KLHL32: variants seen among roughly 807,000 people sequenced by gnomAD.
The protein encoded by KLHL32 is kelch-like protein 32.
A neutral mutation model predicts 64.8 loss-of-function variants in KLHL32; 35 were observed. The observed-to-expected ratio is 0.54, with a 90% CI of 0.41 to 0.72. The LOEUF is 0.72. Among genes scored for constraint, KLHL32 ranks in the 30% least tolerant of loss-of-function variants. The pLI is 0.00. For synonymous variants in KLHL32, 259 were observed against 281.0 expected, an observed-to-expected ratio of 0.92 and a Z score of 0.78; for missense variants, 589 against 768.5, an observed-to-expected ratio of 0.77 and a Z score of 2.76.
chr6:96,973,730 CTT>C (rs558193523), intron 2 of KLHL32, among the ~76,000 whole-genome samples: 3 of 118,236 alleles, frequency 2.5e-5, no homozygotes, highest in Non-Finnish European at 3.5e-5. Flanking sequence ...TACAGATTGC[CTT>C]TTTTTTTTTA....
intron 1 of KLHL32, among the ~76,000 whole-genome samples, chr6:96,951,414 G>A (rs947328192): frequency 1.3e-5 from 2 of 152,166 alleles, no homozygotes; most frequent in African/African-American, 2.4e-5. Context: ...TCAGAGTCAG[G>A]TGAGCAGTAT....
intron 5 of KLHL32, among the ~76,000 whole-genome samples, chr6:97,080,895 T>G (rs143142111): frequency 6.6e-6 from 1 of 152,266 alleles, no homozygotes; most frequent in East Asian, 1.9e-4. Flanking sequence ...ATGTGCTGTA[T>G]AGGATATTCA....
chr6:96,967,123 C>T, intron 2 of KLHL32, 40 bp downstream of exon 2: 1 of 1,595,972 alleles, frequency 6.3e-7, no homozygotes, highest in African/African-American at 1.3e-5. Context: ...CCGTAGTGAG[C>T]CCTGAAATAA....
chr6:96,932,203 TTA>T lies in KLHL32; in HGVS notation c.-66+7179_-66+7180del, dbSNP rs777159212. On this transcript the variant is annotated intron_variant, in intron 1 of 10. Coordinates refer to ENST00000369261, the MANE Select transcript of KLHL32 (RefSeq NM_052904.4). Reference sequence around the variant, plus strand: ...CCTTGAGCTGATAGAACTGACTGGGTTATTTTTTTTTTTTTTTTGAGATTTCA... The same window carrying T: ...CCTTGAGCTGATAGAACTGACTGGGTTTTTTTTTTTTTTTTTGAGATTTCA... Among the ~76,000 whole-genome samples the T allele has an allele frequency of 5.4e-4, 67 of 123,088 alleles. 1 individual carries two copies. Among genetic ancestry groups the T allele is most frequent in the Non-Finnish European group, 6.4e-4 (34 of 53,396 alleles). The allele number at this position is 123,088 out of a possible 152,430, so 80.8% of individuals were successfully genotyped here.
chr6:96,971,785 G>A (rs950498522), intron 2 of KLHL32, among the ~76,000 whole-genome samples: 11 of 152,112 alleles, frequency 7.2e-5, no homozygotes, highest in African/African-American at 2.4e-4. Flanking sequence ...GTATCCAATA[G>A]AACCATAATG....
chr6:96,981,422 C>T lies in KLHL32; in HGVS notation c.204+5245C>T, dbSNP rs538963959. 4.6e-5 allele frequency among the ~76,000 whole-genome samples: 7 copies of T among 151,944 alleles called. No homozygotes were observed. The South Asian group carries it at 1.5e-3, about 32-fold the overall frequency. On this transcript the variant is annotated intron_variant, in intron 3 of 10. Transcript: ENST00000369261. The stretch of plus-strand genomic sequence containing the variant: ...ATATTCCCTTTTTCATTTCTGATTG[C>T]ATTTATTTGGATTTTCTGTCTTTCT...
the KLHL32 span, among the ~76,000 whole-genome samples, chr6:96,907,595 A>G: frequency 6.6e-6 from 1 of 152,162 alleles, no homozygotes; most frequent in Admixed American, 6.5e-5. Flanking sequence ...TCTACTCAGC[A>G]CACTGCCTGT....
At chr6:96,995,171 A>G (rs1299038486) in intron 3 of KLHL32, among the ~76,000 whole-genome samples, 2 of 152,200 alleles carry the variant, frequency 1.3e-5, no homozygotes, top group Admixed American at 6.5e-5. Context: ...CAAGCATAGT[A>G]CCTGACACTC....
intron 1 of KLHL32, among the ~76,000 whole-genome samples, chr6:96,943,796 G>C (rs1362820166): frequency 6.6e-6 from 1 of 152,182 alleles, no homozygotes; most frequent in East Asian, 1.9e-4. Context: ...CCAGCCATCT[G>C]GGGAAGGGAA....
the KLHL32 span, among the ~76,000 whole-genome samples, chr6:96,912,627 T>G: frequency 8.5e-5 from 13 of 152,304 alleles, no homozygotes; most frequent in East Asian, 2.1e-3. Context: ...ATTTGCTCCA[T>G]GAATGTTACA....
chr6:97,026,763 G>A (rs1782770998), intron 3 of KLHL32, among the ~76,000 whole-genome samples: 2 of 152,314 alleles, frequency 1.3e-5, no homozygotes, highest in East Asian at 1.9e-4. Context: ...AATTTTAAGA[G>A]CGATCATTAG....
At chr6:96,924,465 CGGCGGGGGCGGG>C (rs531967117), upstream of KLHL32, among the ~76,000 whole-genome samples, 1 of 55,954 alleles carries the variant, frequency 1.8e-5, no homozygotes, top group Admixed American at 2.4e-4. Flanking sequence ...AGCTCGCCGA[CGGCGGGGGCGGG>C]GGCGGGGGGC....
chr6:97,103,450 T>G (rs1424966995), intron 6 of KLHL32, among the ~76,000 whole-genome samples: 2 of 152,302 alleles, frequency 1.3e-5, no homozygotes, highest in East Asian at 3.9e-4. Flanking sequence ...CCTGACCTTG[T>G]GATCTGCCCG....
intron 4 of KLHL32, among the ~76,000 whole-genome samples, chr6:97,046,770 G>T (rs1474675005): frequency 6.6e-6 from 1 of 152,160 alleles, no homozygotes; most frequent in African/African-American, 2.4e-5. Context: ...AAGCAAAAAG[G>T]TTGGAGCATA....
At chr6:96,985,594 C>G (rs1776925810) in intron 3 of KLHL32, among the ~76,000 whole-genome samples, 1 of 152,106 alleles carries the variant, frequency 6.6e-6, no homozygotes, top group Admixed American at 6.5e-5. Flanking sequence ...TTTCTCTAAA[C>G]TTCTCTTCTT....
At chr6:97,068,809 C>T (rs1355179919) in intron 5 of KLHL32, among the ~76,000 whole-genome samples, 1 of 152,084 alleles carries the variant, frequency 6.6e-6, no homozygotes, top group Non-Finnish European at 1.5e-5. Context: ...CGTATTAAAC[C>T]AGGGGCATGT....
chr6:97,053,608 G>A (rs747033798), intron 4 of KLHL32, among the ~76,000 whole-genome samples: 15 of 151,548 alleles, frequency 9.9e-5, no homozygotes, highest in Non-Finnish European at 1.8e-4. Context: ...TGCTTTCTTC[G>A]GATGCCCATT....
intron 3 of KLHL32, among the ~76,000 whole-genome samples, chr6:97,023,199 T>C (rs1271653789): frequency 6.6e-6 from 1 of 151,344 alleles, no homozygotes; most frequent in Non-Finnish European, 1.5e-5. Context: ...TAAATACATA[T>C]AATTTAGAAA....
intron 1 of KLHL32, among the ~76,000 whole-genome samples, chr6:96,954,897 A>G (rs1381716062): frequency 2.0e-5 from 3 of 152,220 alleles, no homozygotes; most frequent in Non-Finnish European, 4.4e-5. Flanking sequence ...TGTTATAACA[A>G]TAACAAACTA....
Sources: allele counts gnomAD v4.1 joint callset (sites outside exome capture counted in the v4.1 genomes callset), GRCh38; gene constraint gnomAD v4.1.1; transcripts MANE v1.5; gene names NCBI Gene and HGNC (gene_info 2026-07-23, HGNC 2026-07-21).